Variants in DLGAP1 observed in about 807,000 individuals in gnomAD.
DLGAP1 encodes disks large-associated protein 1.
In DLGAP1, 11 loss-of-function variants were observed where a neutral mutation model predicts 90.8. The ratio of observed to expected loss-of-function variants is 0.12; its 90% confidence interval spans 0.08 to 0.20. The LOEUF (loss-of-function observed/expected upper bound fraction) is 0.20. Ranked by LOEUF, DLGAP1 falls within the 10% of genes least tolerant of loss-of-function variation. DLGAP1 has a pLI of 1.00. For synonymous variants in DLGAP1, 558 were observed against 540.7 expected, an observed-to-expected ratio of 1.03 and a Z score of -0.44; for missense variants, 1,050 against 1,333.8, an observed-to-expected ratio of 0.79 and a Z score of 3.31.
chr18:4,154,515 C>T (rs573056759), intron 1 of DLGAP1, among the ~76,000 whole-genome samples: 22 of 151,948 alleles, frequency 1.4e-4, no homozygotes, highest in African/African-American at 4.6e-4. Context: ...TTCCAAGAGG[C>T]TTATTTAAAA....
At chr18:4,006,476 T>C (rs893830803) in intron 2 of DLGAP1, among the ~76,000 whole-genome samples, 2 of 152,050 alleles carry the variant, frequency 1.3e-5, no homozygotes, top group African/African-American at 4.8e-5. Flanking sequence ...TAAAGTTGTT[T>C]GTTTCTTGAT....
At chr18:4,190,697 C>T (rs1271937615) in intron 1 of DLGAP1, among the ~76,000 whole-genome samples, 3 of 152,002 alleles carry the variant, frequency 2.0e-5, no homozygotes, top group Admixed American at 6.6e-5. Flanking sequence ...AAAACAAAGT[C>T]TATTTTTAAA....
intron 1 of DLGAP1, among the ~76,000 whole-genome samples, chr18:4,234,142 A>C (rs2078357551): frequency 6.6e-6 from 1 of 151,382 alleles, no homozygotes; most frequent in African/African-American, 2.4e-5. Flanking sequence ...GGAAGGTCAA[A>C]TAGACATTAA....
intron 4 of DLGAP1, among the ~76,000 whole-genome samples, chr18:3,814,941 A>C (rs573944336): frequency 6.6e-6 from 1 of 152,346 alleles, no homozygotes; most frequent in Non-Finnish European, 1.5e-5. Context: ...TAATAGGCTC[A>C]TAAATATTTT....
At chr18:3,949,134 A>G (rs1442187929) in intron 3 of DLGAP1, among the ~76,000 whole-genome samples, 1 of 152,208 alleles carries the variant, frequency 6.6e-6, no homozygotes, top group Admixed American at 6.5e-5. Flanking sequence ...GATATCATTC[A>G]GCAATACTTT....
In DLGAP1 at chr18:4,305,529, C is replaced by T. The variant is rs572373994; in HGVS notation, c.-267+149477G>A. Among the ~76,000 whole-genome samples, 37 of 134,210 alleles carry T rather than the reference C, an allele frequency of 2.8e-4. No individual in the cohort carries two copies. In the South Asian group the frequency reaches 3.0e-3, roughly 11 times the overall value. The allele number at this position is 134,210 out of a possible 152,430, so 88.0% of individuals were successfully genotyped here. A position where few individuals can be genotyped will look rare whatever the true frequency, so the allele number is the denominator to read the frequency against. ...AGCCTGGGAAACAACAGCAAAACTC[C>T]GTCTCAAAAAAAAAAAAAAAAAGGA... is the stretch of plus-strand genomic sequence containing the variant. On this transcript the variant is annotated intron_variant, in intron 1 of 12. Coordinates refer to ENST00000315677, the MANE Select transcript of DLGAP1 (RefSeq NM_004746.4).
chr18:4,248,987 T>C (rs1406011400), intron 1 of DLGAP1, among the ~76,000 whole-genome samples: 2 of 152,180 alleles, frequency 1.3e-5, no homozygotes, highest in African/African-American at 4.8e-5. Context: ...AATGCTCAGA[T>C]ACCCACATAG....
chr18:3,578,508 C>T (rs2055290511), intron 8 of DLGAP1, among the ~76,000 whole-genome samples: 1 of 151,962 alleles, frequency 6.6e-6, no homozygotes, highest in African/African-American at 2.4e-5. Context: ...AGGCGTGTGC[C>T]ACCACACCCA....
chr18:3,636,586 A>ATT (rs34368710), intron 7 of DLGAP1, among the ~76,000 whole-genome samples: 52,354 of 149,294 alleles, frequency 0.35, 10,134 homozygotes, highest in East Asian at 0.76. Flanking sequence ...TAAATTTTGT[A>ATT]TTTTTTTTTA....
chr18:4,437,448 T>C (rs2083428464), intron 1 of DLGAP1, among the ~76,000 whole-genome samples: 1 of 152,204 alleles, frequency 6.6e-6, no homozygotes, highest in Non-Finnish European at 1.5e-5. Context: ...AATGGTATGG[T>C]ATTTGCATAT....
chr18:4,369,893 T>C (rs377352059), intron 1 of DLGAP1, among the ~76,000 whole-genome samples: 7 of 148,756 alleles, frequency 4.7e-5, no homozygotes, highest in African/African-American at 1.7e-4. Context: ...ATCAGGGCTA[T>C]GGACACACAA....
chr18:4,238,617 G>T (rs531826979), intron 1 of DLGAP1, among the ~76,000 whole-genome samples: 6 of 152,118 alleles, frequency 3.9e-5, no homozygotes, highest in African/African-American at 1.4e-4. Flanking sequence ...TACTTGCTGA[G>T]AAGTTTTATT....
intron 7 of DLGAP1, among the ~76,000 whole-genome samples, chr18:3,662,877 T>A (rs1289562937): frequency 6.6e-6 from 1 of 152,190 alleles, no homozygotes; most frequent in Non-Finnish European, 1.5e-5. Flanking sequence ...ATGAGGCAAA[T>A]ACCTTTTTCA....
At chr18:3,807,440 A>G (rs1389630181) in intron 5 of DLGAP1, among the ~76,000 whole-genome samples, 1 of 152,178 alleles carries the variant, frequency 6.6e-6, no homozygotes, top group Non-Finnish European at 1.5e-5. Context: ...AAGTTATTTA[A>G]TCTCTCTGAG....
At chr18:4,295,620 C>T (rs1598837946) in intron 1 of DLGAP1, among the ~76,000 whole-genome samples, 1 of 152,292 alleles carries the variant, frequency 6.6e-6, no homozygotes, top group Middle Eastern at 3.4e-3. Context: ...ACTAAATGAG[C>T]TAGCACCATT....
intron 9 of DLGAP1, among the ~76,000 whole-genome samples, chr18:3,535,984 G>A (rs1235800356): frequency 6.6e-6 from 1 of 152,024 alleles, no homozygotes; most frequent in African/African-American, 2.4e-5. Context: ...GTGGTGAACT[G>A]AGATCATGCC....
At chr18:4,034,069 T>C (rs1462208831) in intron 2 of DLGAP1, among the ~76,000 whole-genome samples, 5 of 134,078 alleles carry the variant, frequency 3.7e-5, no homozygotes, top group Non-Finnish European at 8.0e-5. Flanking sequence ...GAGATGGAGT[T>C]TCGCTCTTGT....
chr18:3,671,184 C>CTTTTTTTTT (rs11311056), intron 7 of DLGAP1, among the ~76,000 whole-genome samples: 1 of 143,478 alleles, frequency 7.0e-6, no homozygotes, highest in Admixed American at 7.0e-5. Context: ...CTCTTTGCTG[C>CTTTTTTTTT]TTTTTTTTTT....
chr18:3,601,593 A>G (rs1406214973), intron 7 of DLGAP1, among the ~76,000 whole-genome samples: 1 of 151,992 alleles, frequency 6.6e-6, no homozygotes, highest in Non-Finnish European at 1.5e-5. Context: ...CTATAATCCC[A>G]GCACTTTGGG....
Sources: gnomAD v4.1 joint callset for allele counts (sites outside exome capture counted in the v4.1 genomes callset) on GRCh38, gnomAD v4.1.1 for gene constraint, MANE v1.5 for transcripts, NCBI Gene and HGNC (gene_info 2026-07-23, HGNC 2026-07-21) for gene names.